Variants in DMD observed in about 807,000 individuals in gnomAD.
DMD encodes mutant dystrophin.
A neutral mutation model predicts 330.1 loss-of-function variants in DMD; 63 were observed. The observed-to-expected ratio is 0.19, with a 90% CI of 0.16 to 0.24. The LOEUF is 0.24. Among genes scored for constraint, DMD ranks in the 10% least tolerant of loss-of-function variants. The pLI is 1.00. For missense variants in DMD, 3,344 were observed against 2,684.1 expected (o/e 1.25, Z -5.43); for synonymous variants, 1,223 against 959.8 (o/e 1.27, Z -5.07).
At chrX:31,201,789 G>A (rs1206066131) in intron 67 of DMD, among the ~76,000 whole-genome samples, 1 of 111,805 alleles carries the variant, frequency 8.9e-6, no homozygotes, top group Non-Finnish European at 1.9e-5. Context: ...TTTGCAGCAG[G>A]GACCATCACT....
At chrX:32,628,728 T>C (rs753839463) in intron 11 of DMD, among the ~76,000 whole-genome samples, 4 of 111,118 alleles carry the variant, frequency 3.6e-5, no homozygotes, top group Non-Finnish European at 7.6e-5. Flanking sequence ...TCCTTTTTCA[T>C]TCGTTTCAAG....
chrX:32,158,361 C>T (rs1304638292), intron 44 of DMD, among the ~76,000 whole-genome samples: 1 of 110,084 alleles, frequency 9.1e-6, no homozygotes, highest in Non-Finnish European at 1.9e-5. Context: ...AGCAAGACCC[C>T]ATCTCAAAAA....
At chrX:32,363,316 A>G in intron 36 of DMD, among the ~76,000 whole-genome samples, 5 of 112,142 alleles carry the variant, frequency 4.5e-5, no homozygotes, top group Non-Finnish European at 7.5e-5. Context: ...TTATTTTATT[A>G]TATCGTTACT....
At chrX:32,552,596 T>C (rs1270171859) in intron 16 of DMD, among the ~76,000 whole-genome samples, 1 of 111,428 alleles carries the variant, frequency 9.0e-6, no homozygotes, top group Non-Finnish European at 1.9e-5. Context: ...CTAAAGAACT[T>C]CTACACAACA....
At chrX:32,602,180 C>T (rs1377042144) in intron 12 of DMD, among the ~76,000 whole-genome samples, 2 of 111,864 alleles carry the variant, frequency 1.8e-5, no homozygotes, top group Non-Finnish European at 3.8e-5. Flanking sequence ...TAGGTTCAAA[C>T]TACCTCATCT....
At chrX:32,470,125 A>T (rs1569564134) in intron 22 of DMD, among the ~76,000 whole-genome samples, 1 of 110,841 alleles carries the variant, frequency 9.0e-6, no homozygotes, top group African/African-American at 3.3e-5. Flanking sequence ...TCATCTTGTA[A>T]TTTTTTTACT....
At chrX:32,429,479 T>C (rs1452262785) in intron 29 of DMD, among the ~76,000 whole-genome samples, 1 of 96,165 alleles carries the variant, frequency 1.0e-5, no homozygotes, top group Non-Finnish European at 2.0e-5. Flanking sequence ...CCTCCCAAAG[T>C]GCTGGGATTA....
At chrX:32,292,299 A>ATTTTTTTTTTT (rs1355530949) in intron 42 of DMD, among the ~76,000 whole-genome samples, 1 of 30,865 alleles carries the variant, frequency 3.2e-5, no homozygotes, top group Non-Finnish European at 5.1e-5. Flanking sequence ...CAAAGGGAAT[A>ATTTTTTTTTTT]TTCTTTTTTT....
Position 32,091,120 on chromosome X carries a change from G to C in DMD, c.6439-122606C>G, listed in dbSNP as rs772457780. 2.7e-5 allele frequency among the ~76,000 whole-genome samples: 3 copies of C among 111,913 alleles called. No individual in the cohort carries two copies. The East Asian group carries it at 8.5e-4, about 32-fold the overall frequency. On this transcript the variant is annotated intron_variant, in intron 44 of 78. Transcript: ENST00000357033. ...AGCAGATGATTTTTTTCAAAGAAGA[G>C]AAGAGAAGACACCTTTGGCAAAACA...
At chrX:32,952,898 G>GA (rs2091332377) in intron 2 of DMD, among the ~76,000 whole-genome samples, 1 of 110,304 alleles carries the variant, frequency 9.1e-6, no homozygotes, top group East Asian at 2.9e-4. Flanking sequence ...ATTTTGGAAG[G>GA]CCAAGACGGG....
intron 62 of DMD, among the ~76,000 whole-genome samples, chrX:31,303,664 C>T (rs1021506220): frequency 2.7e-5 from 3 of 111,643 alleles, no homozygotes; most frequent in Non-Finnish European, 5.7e-5. Context: ...AACCTTCAAA[C>T]GTTTGTATTC....
Position 33,278,333 on chromosome X carries a change from T to G in DMD, c.7+60926A>C, listed in dbSNP as rs755638565. Among the ~76,000 whole-genome samples the G allele has an allele frequency of 6.3e-5, 7 of 110,534 alleles. No individual in the cohort carries two copies. In the East Asian group the frequency reaches 2.0e-3, roughly 32 times the overall value. On this transcript the variant is annotated intron_variant, in intron 1 of 17. Transcript: ENST00000288447. The stretch of plus-strand genomic sequence containing the variant: ...TAGCTTTTCAGCCTTTGCCCCTTCC[T>G]CCCTCCCCTCGATTGTAGTCCCCAG...
intron 20 of DMD, among the ~76,000 whole-genome samples, chrX:32,486,377 G>A (rs908403281): frequency 1.9e-4 from 21 of 111,765 alleles, no homozygotes; most frequent in African/African-American, 4.2e-4. Context: ...TTCAATTACC[G>A]TTTCTTTTTC....
chrX:31,455,455 T>G (rs1201332051), intron 59 of DMD, among the ~76,000 whole-genome samples: 2 of 111,956 alleles, frequency 1.8e-5, no homozygotes, highest in Non-Finnish European at 3.8e-5. Context: ...TACATTTTTA[T>G]TAAAGAACAA....
chrX:33,130,331 CT>C (rs1281276462), intron 1 of DMD, among the ~76,000 whole-genome samples: 2 of 111,621 alleles, frequency 1.8e-5, no homozygotes, highest in Non-Finnish European at 3.8e-5. Flanking sequence ...CTAAGGATTG[CT>C]TTCTGATCAT....
At chrX:33,144,021 T>C (rs1396679108) in intron 1 of DMD, among the ~76,000 whole-genome samples, 2 of 111,896 alleles carry the variant, frequency 1.8e-5, no homozygotes, top group Admixed American at 9.6e-5. Context: ...TGGATTCCTC[T>C]TTGTTACCTT....
rs768990357 is a variant in DMD, at chrX:32,438,341, C to A, written c.3971G>T (p.Arg1324Leu). 3.3e-6 allele frequency: 4 copies of A among 1,211,165 alleles called. No homozygotes were observed. The highest frequency in any genetic ancestry group is 4.5e-6 in the Non-Finnish European group (4 of 895,183). ...RHSEDNPNQIRILAQTLTDGG... is the reference protein window; with the variant it reads ...RHSEDNPNQILILAQTLTDGG... ...ATCTGTTAGGGTCTGTGCCAATATGCGAATCTGATTTGGGTTATCCTCTGA... is the reference window on the plus strand; with the variant it reads ...ATCTGTTAGGGTCTGTGCCAATATGAGAATCTGATTTGGGTTATCCTCTGA... Residue 1324 changes from arginine (R) to leucine (L), a missense_variant, in exon 29 of 79, where the codon CGC (arginine) becomes CTC (leucine). By Grantham distance (102) the Arg-to-Leu change is moderately radical. Coordinates refer to ENST00000357033, the MANE Select transcript of DMD (RefSeq NM_004006.3).
At chrX:32,843,785 A>G (rs1216398764) in intron 4 of DMD, among the ~76,000 whole-genome samples, 3 of 111,837 alleles carry the variant, frequency 2.7e-5, no homozygotes, top group East Asian at 5.7e-4. Context: ...GGCTGCCTCC[A>G]ATGCCATGAC....
chrX:32,327,267 C>A (rs2097655993), intron 41 of DMD, among the ~76,000 whole-genome samples: 2 of 109,460 alleles, frequency 1.8e-5, no homozygotes, highest in Non-Finnish European at 3.8e-5. Flanking sequence ...AAAAAATCTC[C>A]AAAAAAGGAT....
Sources: gnomAD v4.1 joint callset for allele counts (sites outside exome capture counted in the v4.1 genomes callset) on GRCh38, gnomAD v4.1.1 for gene constraint, MANE v1.5 for transcripts, NCBI Gene and HGNC (gene_info 2026-07-23, HGNC 2026-07-21) for gene names.